Variants in LAMA2 observed in about 807,000 individuals in gnomAD.
LAMA2 encodes the protein laminin subunit alpha 2.
Under a neutral mutation model 364.8 loss-of-function variants are expected in LAMA2, and 269 were observed. The ratio of observed to expected loss-of-function variants is 0.74; its 90% CI spans 0.67 to 0.82. The LOEUF (loss-of-function observed/expected upper bound fraction) is 0.82. Ranked by LOEUF, LAMA2 falls within the 40% of genes least tolerant of loss-of-function variation. The probability of loss-of-function intolerance (pLI) is 0.00; values close to 1 mark genes in which losing one functional copy is unlikely to be tolerated. For synonymous variants in LAMA2, 1,379 were observed against 1,370.6 expected (o/e 1.01, Z -0.14); for missense variants, 3,807 against 3,873.2 (o/e 0.98, Z 0.45).
At chr6:128,885,896 G>A (rs577181350) in intron 1 of LAMA2, among the ~76,000 whole-genome samples, 7 of 152,222 alleles carry the variant, frequency 4.6e-5, no homozygotes, top group South Asian at 2.1e-4. Flanking sequence ...TAAAATTGAC[G>A]AAATAGAATG....
chr6:129,130,932 A>T (rs921065720), intron 4 of LAMA2, among the ~76,000 whole-genome samples: 15 of 152,252 alleles, frequency 9.9e-5, no homozygotes, highest in Admixed American at 8.5e-4. Context: ...ATGAAAACAA[A>T]CAAACAAAAC....
At position 129,402,593 on chromosome 6, in the gene LAMA2, T is replaced by G; in HGVS notation, c.5726+106T>G. 7 of 1,152,854 alleles carry G rather than the reference T, an allele frequency of 6.1e-6. No homozygotes were observed. The South Asian group carries it at 9.2e-5, about 15-fold the overall frequency. 71.4% of individuals were successfully genotyped at this position (1,152,854 alleles called of 1,614,324 possible). A position where few individuals can be genotyped will look rare whatever the true frequency, so the allele number is the denominator to read the frequency against. On this transcript the variant is annotated intron_variant, in intron 39 of 64. Transcript: ENST00000421865. The stretch of plus-strand genomic sequence containing the variant: ...ATTTTCAAATCCTGATTTCTGTTAA[T>G]TATGAACACACTAGCTATATGGCCT...
At chr6:129,490,290 T>G (rs570861304) in intron 56 of LAMA2, among the ~76,000 whole-genome samples, 3 of 152,304 alleles carry the variant, frequency 2.0e-5, no homozygotes, top group African/African-American at 7.2e-5. Context: ...TGAGCATGAT[T>G]AAATAACTTG....
rs1167327200 is a variant in LAMA2 at position 129,250,037 on chromosome 6, A to G, written c.1783-75A>G. ...TGCCCTATAGAACAATAAAATTCGT[A>G]TACAACAGTAAGTAAAATATGATTT... On this transcript the variant is annotated intron_variant, in intron 12 of 64. Transcript: ENST00000421865. The G allele has an allele frequency of 2.4e-5, 22 of 914,878 alleles. No individual in the cohort carries two copies. In the Admixed American group the frequency reaches 3.6e-4, roughly 15 times the overall value. The allele number at this position is 914,878 out of a possible 1,614,324, so 56.7% of individuals were successfully genotyped here.
chr6:129,046,353 T>C (rs1787496708), intron 1 of LAMA2, among the ~76,000 whole-genome samples: 1 of 152,186 alleles, frequency 6.6e-6, no homozygotes, highest in Non-Finnish European at 1.5e-5. Flanking sequence ...CAGTTCCACA[T>C]GGCTGGGGAG....
intron 1 of LAMA2, among the ~76,000 whole-genome samples, chr6:129,027,014 G>A (rs1785873159): frequency 6.6e-6 from 1 of 152,008 alleles, no homozygotes; most frequent in Admixed American, 6.6e-5. Context: ...CAGAAAACTA[G>A]TATTCAATGG....
intron 4 of LAMA2, among the ~76,000 whole-genome samples, chr6:129,101,793 C>A (rs1775535803): frequency 6.6e-6 from 1 of 152,186 alleles, no homozygotes; most frequent in African/African-American, 2.4e-5. Context: ...TTCTACATAT[C>A]TGCAAAGTGA....
intron 12 of LAMA2, among the ~76,000 whole-genome samples, chr6:129,235,973 A>G (rs1173896878): frequency 6.6e-6 from 1 of 152,236 alleles, no homozygotes; most frequent in East Asian, 1.9e-4. Context: ...ACTTGAAAGC[A>G]GTAAGTTCTC....
At chr6:129,284,129 A>C (rs1399497744) in intron 18 of LAMA2, among the ~76,000 whole-genome samples, 1 of 152,186 alleles carries the variant, frequency 6.6e-6, no homozygotes, top group Non-Finnish European at 1.5e-5. Context: ...CCATGTGAGC[A>C]GGGAAACACC....
At chr6:129,230,255 A>T (rs1215889457) in intron 12 of LAMA2, among the ~76,000 whole-genome samples, 1 of 152,190 alleles carries the variant, frequency 6.6e-6, no homozygotes, top group Non-Finnish European at 1.5e-5. Context: ...CAACTTTGTC[A>T]GATACTGTTG....
intron 4 of LAMA2, among the ~76,000 whole-genome samples, chr6:129,134,263 T>C (rs1430170289): frequency 6.6e-6 from 1 of 152,266 alleles, no homozygotes; most frequent in Non-Finnish European, 1.5e-5. Context: ...TATTTATTTT[T>C]GTTATTAACA....
At chr6:129,448,638 T>A (rs1348925070) in intron 45 of LAMA2, among the ~76,000 whole-genome samples, 1 of 152,202 alleles carries the variant, frequency 6.6e-6, no homozygotes, top group Non-Finnish European at 1.5e-5. Flanking sequence ...AATGACCTAC[T>A]TACTGGATGA....
intron 9 of LAMA2, among the ~76,000 whole-genome samples, chr6:129,171,620 T>C (rs1470276326): frequency 2.7e-5 from 4 of 150,710 alleles, no homozygotes; most frequent in Non-Finnish European, 5.9e-5. Context: ...TTTTCCTTCA[T>C]TTCAGCTTTG....
intron 12 of LAMA2, among the ~76,000 whole-genome samples, chr6:129,211,515 C>T (rs1402881252): frequency 6.6e-6 from 1 of 152,184 alleles, no homozygotes. Context: ...AGCTCAGAGA[C>T]CATTCTGGAC....
intron 7 of LAMA2, among the ~76,000 whole-genome samples, chr6:129,153,750 C>T (rs1778946734): frequency 6.6e-6 from 1 of 151,978 alleles, no homozygotes; most frequent in Non-Finnish European, 1.5e-5. Context: ...TTGAGAAAAC[C>T]TATGTTTTAG....
intron 1 of LAMA2, among the ~76,000 whole-genome samples, chr6:128,956,331 T>C (rs1562867940): frequency 6.6e-6 from 1 of 152,070 alleles, no homozygotes; most frequent in Non-Finnish European, 1.5e-5. Context: ...CCCTGGGGTA[T>C]GTCTATTTAT....
Position 129,177,820 on chromosome 6 carries a change from T to C in LAMA2, c.1421T>C (p.Leu474Ser). 1 of 1,613,976 alleles carries C rather than the reference T, an allele frequency of 6.2e-7. No individual in the cohort carries two copies. Among genetic ancestry groups the C allele is most frequent in the Non-Finnish European group, 8.5e-7 (1 of 1,179,930 alleles). ...PDCKACNCSG[L>S]GSKNEDPCFG... Reference sequence around the variant, plus strand: ...TGCAAAGCCTGTAACTGCAGTGGGTTAGGGAGCAAAAATGAGGATCCTTGT... The same window carrying C: ...TGCAAAGCCTGTAACTGCAGTGGGTCAGGGAGCAAAAATGAGGATCCTTGT... The change falls in exon 10 of 65, where the codon TTA becomes TCA. Residue 474 changes from leucine (L) to serine (S), a missense_variant. Physicochemically the swap from Leu to Ser is moderately radical, Grantham distance 145. This residue lies in a region of LAMA2 where 3,333 missense variants were observed against 3,345.7 expected (regional missense o/e 1.00). Transcript: ENST00000421865.
intron 11 of LAMA2, among the ~76,000 whole-genome samples, chr6:129,192,026 C>T (rs1781547603): frequency 1.3e-5 from 2 of 152,166 alleles, no homozygotes; most frequent in South Asian, 2.1e-4. Flanking sequence ...GGGATCTAGG[C>T]TGTAGGTCCC....
rs1274177439 is a variant in LAMA2, at chr6:129,171,453, T to C, written c.1306+5778T>C. 9.2e-5 allele frequency among the ~76,000 whole-genome samples: 14 copies of C among 152,020 alleles called. No homozygotes were observed. The East Asian group carries it at 2.1e-3, about 23-fold the overall frequency. On this transcript the variant is annotated intron_variant, in intron 9 of 64. Coordinates refer to ENST00000421865, the MANE Select transcript of LAMA2 (RefSeq NM_000426.4). The stretch of plus-strand genomic sequence containing the variant: ...TTATGAAGCTTAGTTTGGCTGGATA[T>C]GAAATTCTGGGTTGAAAATTCTTTT...
Sources: gnomAD v4.1 joint callset for allele counts (sites outside exome capture counted in the v4.1 genomes callset) on GRCh38, gnomAD v4.1.1 for gene constraint, gnomAD v4.1.1 regional missense constraint, MANE v1.5 for transcripts, NCBI Gene and HGNC (gene_info 2026-07-23, HGNC 2026-07-21) for gene names.